The following ODAD2 variants were observed in gnomAD, a reference collection of about 807,000 sequenced individuals.
ODAD2 encodes the protein outer dynein arm docking complex subunit 2.
ODAD2 carries 89 observed loss-of-function variants against 106.8 expected under a neutral mutation model. That is an observed-to-expected ratio of 0.83 (90% CI 0.70 to 0.99). ODAD2 has a LOEUF of 0.99. ODAD2 is among the 50% of genes least tolerant of loss of function. The probability of loss-of-function intolerance (pLI) is 0.00; values close to 1 mark genes in which losing one functional copy is unlikely to be tolerated. For synonymous variants in ODAD2, 404 were observed against 436.2 expected (o/e 0.93, Z 0.92); for missense variants, 1,168 against 1,238.5 (o/e 0.94, Z 0.85).
At chr10:27,881,641 A>C (rs1361834183) in intron 17 of ODAD2, among the ~76,000 whole-genome samples, 1 of 152,044 alleles carries the variant, frequency 6.6e-6, no homozygotes, top group Non-Finnish European at 1.5e-5. Context: ...CGTCTCAAAA[A>C]AACACTGAAA....
At chr10:27,951,457 A>G (rs1847319625) in intron 10 of ODAD2, among the ~76,000 whole-genome samples, 1 of 152,172 alleles carries the variant, frequency 6.6e-6, no homozygotes, top group Non-Finnish European at 1.5e-5. Context: ...CACGTGTGAG[A>G]CTGCAGAATT....
At chr10:27,964,457 C>G (rs1848361564) in intron 9 of ODAD2, among the ~76,000 whole-genome samples, 1 of 152,116 alleles carries the variant, frequency 6.6e-6, no homozygotes, top group Non-Finnish European at 1.5e-5. Context: ...TGTTTTAGTT[C>G]TGTATTATCA....
At chr10:27,993,974 A>ATATATATATGTG (rs369833558) in intron 2 of ODAD2, among the ~76,000 whole-genome samples, 1 of 140,546 alleles carries the variant, frequency 7.1e-6, no homozygotes, top group Non-Finnish European at 1.5e-5. Flanking sequence ...ATATATATAT[A>ATATATATATGTG]TGTGTGTGTG....
intron 10 of ODAD2, among the ~76,000 whole-genome samples, chr10:27,945,590 G>C (rs1846851946): frequency 6.6e-6 from 1 of 152,182 alleles, no homozygotes; most frequent in Non-Finnish European, 1.5e-5. Flanking sequence ...TGTCTTCTTG[G>C]TGAATCGCTA....
chr10:27,951,634 A>T (rs919560711), intron 10 of ODAD2, among the ~76,000 whole-genome samples: 1 of 152,140 alleles, frequency 6.6e-6, no homozygotes, highest in Non-Finnish European at 1.5e-5. Context: ...ACTTAAAAAA[A>T]AAAAGCTATA....
chr10:27,829,493 A>C (rs528667442), intron 19 of ODAD2, among the ~76,000 whole-genome samples: 1 of 152,278 alleles, frequency 6.6e-6, no homozygotes, highest in African/African-American at 2.4e-5. Flanking sequence ...CAATTTGAGG[A>C]ATGTTTTCCT....
At chr10:27,833,990 C>G (rs918438901) in intron 19 of ODAD2, among the ~76,000 whole-genome samples, 3 of 152,182 alleles carry the variant, frequency 2.0e-5, no homozygotes, top group African/African-American at 7.2e-5. Context: ...CGCCACCTTA[C>G]AGGGATTTGC....
chr10:27,817,305 T>C (rs1836214713), intron 19 of ODAD2, among the ~76,000 whole-genome samples: 1 of 152,226 alleles, frequency 6.6e-6, no homozygotes, highest in Non-Finnish European at 1.5e-5. Flanking sequence ...TATTGATCTC[T>C]TTGTTTATAC....
chr10:27,956,800 G>A (rs117907867), intron 10 of ODAD2, among the ~76,000 whole-genome samples: 1,838 of 152,254 alleles, frequency 0.012, 24 homozygotes, highest in South Asian at 0.025. Context: ...ATTATAATGT[G>A]TATAAAATGC....
rs1003284916 is a variant in ODAD2, at chr10:27,950,824, C to T, written c.1387-5862G>A. On this transcript the variant is annotated intron_variant, in intron 10 of 19. Transcript: ENST00000305242. ...AGTTATTGGAATGTTCTAGTCATTG[C>T]AATGCAGAAAAATTTATAGCAAATA... Among the ~76,000 whole-genome samples, 7 of 151,886 alleles carry T rather than the reference C, an allele frequency of 4.6e-5. No individual in the cohort carries two copies. In the East Asian group the frequency reaches 1.4e-3, roughly 29 times the overall value.
intron 19 of ODAD2, among the ~76,000 whole-genome samples, chr10:27,844,036 A>G (rs1225261355): frequency 2.0e-5 from 3 of 151,980 alleles, no homozygotes; most frequent in East Asian, 1.9e-4. Flanking sequence ...CATCTCTACA[A>G]ACAATAAAAA....
At chr10:27,956,930 A>G (rs1472688531) in intron 10 of ODAD2, 1 of 152,216 alleles carries the variant, frequency 6.6e-6, no homozygotes, top group Non-Finnish European at 1.5e-5. Context: ...ATTTCCAAAC[A>G]AAATATCCTA....
At chr10:27,917,477 A>G (rs990807086) in intron 16 of ODAD2, among the ~76,000 whole-genome samples, 1 of 152,110 alleles carries the variant, frequency 6.6e-6, no homozygotes, top group Non-Finnish European at 1.5e-5. Context: ...AAAAAGAAGC[A>G]AAAGTTAAAC....
At chr10:27,822,257 A>G (rs1455341926) in intron 19 of ODAD2, among the ~76,000 whole-genome samples, 4 of 152,166 alleles carry the variant, frequency 2.6e-5, no homozygotes, top group Admixed American at 2.0e-4. Flanking sequence ...ATAATATTTC[A>G]GTTGTATGAA....
At chr10:27,892,042 C>T (rs1471192297) in intron 17 of ODAD2, among the ~76,000 whole-genome samples, 1 of 151,932 alleles carries the variant, frequency 6.6e-6, no homozygotes, top group Non-Finnish European at 1.5e-5. Flanking sequence ...CCCTTTTTCT[C>T]CAAAAATGTG....
chr10:27,944,260 G>A lies in ODAD2; in HGVS notation c.1705C>T (p.Arg569Trp), dbSNP rs781516128. Reference protein sequence around the residue: ...IANVAKFKRARRVVRQHGGIT... With the variant: ...IANVAKFKRAWRVVRQHGGIT... ...CCCCCGTGCTGCCTCACCACCCGCC[G>A]TGCTCTTTTAAACTTGGCAACATTC... Residue 569 changes from arginine (R) to tryptophan (W), a missense_variant, in exon 12 of 20, where the codon CGG becomes TGG. Coordinates refer to ENST00000305242, the MANE Select transcript of ODAD2 (RefSeq NM_018076.5). 2.3e-5 allele frequency: 37 copies of A among 1,613,508 alleles called. No individual in the cohort carries two copies. The highest frequency in any genetic ancestry group is 3.3e-5 in the South Asian group (3 of 91,052).
At chr10:27,853,711 C>G (rs1398779299) in intron 19 of ODAD2, among the ~76,000 whole-genome samples, 4 of 152,026 alleles carry the variant, frequency 2.6e-5, no homozygotes, top group African/African-American at 9.7e-5. Context: ...CTAATATGCC[C>G]TCCAAATGAA....
intron 19 of ODAD2, among the ~76,000 whole-genome samples, chr10:27,842,702 G>A (rs1838401212): frequency 6.8e-6 from 1 of 146,962 alleles, no homozygotes; most frequent in Non-Finnish European, 1.5e-5. Flanking sequence ...TAAATATGCT[G>A]AAAGAAAAAG....
chr10:27,942,771 C>T (rs564769674), intron 12 of ODAD2, among the ~76,000 whole-genome samples: 3 of 152,266 alleles, frequency 2.0e-5, no homozygotes, highest in Non-Finnish European at 4.4e-5. Context: ...CTACATCCAC[C>T]ACCTGGAGTC....
Sources: allele counts gnomAD v4.1 joint callset (sites outside exome capture counted in the v4.1 genomes callset), GRCh38; gene constraint gnomAD v4.1.1; transcripts MANE v1.5; gene names NCBI Gene and HGNC (gene_info 2026-07-23, HGNC 2026-07-21).